Variants in CIITA observed in about 807,000 individuals in gnomAD.
CIITA encodes the protein class II major histocompatibility complex transactivator, also known as MHC class II transactivator.
In CIITA, 72 loss-of-function variants were observed where a neutral mutation model predicts 115.1. The ratio of observed to expected loss-of-function variants is 0.63; its 90% confidence interval spans 0.52 to 0.76. The LOEUF is 0.76. Among genes scored for constraint, CIITA ranks in the 30% least tolerant of loss-of-function variants. The pLI, the probability that CIITA is intolerant of heterozygous loss-of-function variation, is 0.00. For missense variants in CIITA, 1,617 were observed against 1,463.8 expected (o/e 1.10, Z -1.71); for synonymous variants, 763 against 635.6 (o/e 1.20, Z -3.02).
At chr16:10,908,456 C>T (rs144330450) in intron 11 of CIITA, 1 of 505,964 alleles carries the variant, frequency 2.0e-6, no homozygotes, top group African/African-American at 1.9e-5. Context: ...TCTTTCCACC[C>T]CCTGAGCACG....
chr16:10,911,341 C>T (rs1413774141), intron 13 of CIITA, among the ~76,000 whole-genome samples: 2 of 135,254 alleles, frequency 1.5e-5, no homozygotes, highest in East Asian at 2.2e-4. Context: ...CCTTCTTCCC[C>T]CTTTTCTTCT....
Position 10,933,217 on chromosome 16 carries a change from T to C in CIITA, c.*9362T>C, listed in dbSNP as rs1373748385. The stretch of plus-strand genomic sequence containing the variant: ...TGGACAGAGGACGTGGCTGGCTGGC[T>C]GGTTTCTGTAGTCAGAATGACAGTT... On this transcript the variant is annotated 3_prime_UTR_variant, in exon 20 of 20. Coordinates refer to ENST00000324288, the MANE Select transcript of CIITA (RefSeq NM_000246.4). 1.3e-5 allele frequency: 2 copies of C among 152,290 alleles called. No individual in the cohort carries two copies. Among genetic ancestry groups the C allele is most frequent in the African/African-American group, 4.8e-5 (2 of 41,468 alleles). The allele number at this position is 152,290 out of a possible 1,614,324, so 9.4% of individuals were successfully genotyped here. A position where few individuals can be genotyped will look rare whatever the true frequency, so the allele number is the denominator to read the frequency against.
rs2040707802 is a variant in CIITA, at chr16:10,929,950, C to CA, written c.*6096dup. ...AGCTGAGCCAGCGCTGGGTAGTGGG[C>CA]AGGGCTTGGCAACACCTTCCACCTT... On this transcript the variant is annotated 3_prime_UTR_variant, in exon 20 of 20. Coordinates refer to ENST00000324288, the MANE Select transcript of CIITA (RefSeq NM_000246.4). This position sits in a 1 kb window ranked among gnomAD's most constrained non-coding sequence, Gnocchi z 4.3. 6.6e-6 allele frequency: 1 copy of CA among 152,262 alleles called. No homozygotes were observed. The highest frequency in any genetic ancestry group is 2.4e-5 in the African/African-American group (1 of 41,440). The allele number at this position is 152,262 out of a possible 1,614,324, so 9.4% of individuals were successfully genotyped here. A position where few individuals can be genotyped will look rare whatever the true frequency, so the allele number is the denominator to read the frequency against.
At position 10,877,207 on chromosome 16, in the gene CIITA, T is replaced by C. The variant is rs1295947792; in HGVS notation, c.-124T>C. On this transcript the variant is annotated 5_prime_UTR_variant, in exon 1 of 20. It removes an upstream start codon present in the reference 5' UTR. Transcript: ENST00000324288. ...CTCCCAACTGGTGACTGGTTAGTGATGAGGCTAGTGATGAGGCTGTGTGCT... is the reference window on the plus strand; with the variant it reads ...CTCCCAACTGGTGACTGGTTAGTGACGAGGCTAGTGATGAGGCTGTGTGCT... 2.5e-6 allele frequency: 2 copies of C among 804,782 alleles called. No homozygotes were observed. The highest frequency in any genetic ancestry group is 2.9e-5 in the South Asian group (2 of 69,032). The allele number at this position is 804,782 out of a possible 1,614,324, so 49.9% of individuals were successfully genotyped here. A position where few individuals can be genotyped will look rare whatever the true frequency, so the allele number is the denominator to read the frequency against.
chr16:10,886,463 T>C (rs79980911), intron 1 of CIITA, among the ~76,000 whole-genome samples: 1,614 of 151,962 alleles, frequency 0.011, 34 homozygotes, highest in African/African-American at 0.037. Flanking sequence ...TCCTGGGGAG[T>C]TGTGGGAACA....
At chr16:10,919,247 G>A (rs1317026493) in intron 16 of CIITA, among the ~76,000 whole-genome samples, 2 of 131,430 alleles carry the variant, frequency 1.5e-5, no homozygotes, top group Admixed American at 8.4e-5. Context: ...AGGCTGGAGT[G>A]AAGTGGTGTG....
At chr16:10,922,362 G>C in intron 17 of CIITA, 45 bp from the exon 18 acceptor site, 1 of 1,611,934 alleles carries the variant, frequency 6.2e-7, no homozygotes, top group African/African-American at 1.3e-5. Context: ...GTCTGGAGCT[G>C]GGGAGTCCCA....
At chr16:10,870,611 G>A (rs553358447) in intron 1 of CIITA, among the ~76,000 whole-genome samples, 1 of 152,348 alleles carries the variant, frequency 6.6e-6, no homozygotes, top group East Asian at 1.9e-4. Context: ...CAGGCTGGAG[G>A]CTGGACAGCT....
At chr16:10,908,773 T>A (rs1438426738) in intron 11 of CIITA, 2 of 611,164 alleles carry the variant, frequency 3.3e-6, no homozygotes, top group African/African-American at 3.7e-5. Flanking sequence ...TGTAAGGTCC[T>A]ACATAATTGT....
chr16:10,907,182 T>C lies in CIITA; in HGVS notation c.1690T>C (p.Phe564Leu). Reference sequence around the variant, plus strand: ...GAGCCTGAGCAAGGCCGACGCCCTATTTGAGCTGTCCGGCTTCTCCATGGA... The same window carrying C: ...GAGCCTGAGCAAGGCCGACGCCCTACTTGAGCTGTCCGGCTTCTCCATGGA... ...VQSLSKADAL[F>L]ELSGFSMEQA... Residue 564 changes from phenylalanine to leucine, a missense_variant, in exon 11 of 20, where the codon TTT (phenylalanine) becomes CTT (leucine). Coordinates refer to ENST00000324288, the MANE Select transcript of CIITA (RefSeq NM_000246.4). This position sits in a 1 kb window ranked among gnomAD's most constrained non-coding sequence, Gnocchi z 5.0. 6.2e-7 allele frequency: 1 copy of C among 1,613,118 alleles called. No homozygotes were observed. The highest frequency in any genetic ancestry group is 8.5e-7 in the Non-Finnish European group (1 of 1,179,844).
intron 1 of CIITA, among the ~76,000 whole-genome samples, chr16:10,870,456 G>A (rs2143233655): frequency 6.6e-6 from 1 of 152,342 alleles, no homozygotes; most frequent in South Asian, 2.1e-4. Context: ...CAAAGTCCTT[G>A]CCCTGGAGGA....
rs139248444 is a variant in CIITA, at chr16:10,898,682, A to T, written c.308A>T (p.Gln103Leu). 1.2e-6 allele frequency: 2 copies of T among 1,610,868 alleles called. No individual in the cohort carries two copies. The highest frequency in any genetic ancestry group is 1.3e-5 in the African/African-American group (1 of 74,582). Residue 103 changes from glutamine to leucine, a missense_variant, in exon 4 of 20, where the codon CAG becomes CTG. By Grantham distance (113) the Gln-to-Leu change is moderately radical. Transcript: ENST00000324288. ...EAYANIAELD[Q>L]YVFQDSQLEG... The stretch of plus-strand genomic sequence containing the variant: ...CTTGTCTGGGCAGCGGAACTGGACC[A>T]GTATGTCTTCCAGGACTCCCAGCTG...
At position 10,923,345 on chromosome 16, in the gene CIITA, G is replaced by GT; in HGVS notation, c.*22+20_*22+21insT. ...GACAGGGTAACCAGGGTGGGCTTGG[G>GT]AGGGGAGAGCCGCAGTGGGTTGGGG... On this transcript the variant is annotated intron_variant, in intron 19 of 19. Coordinates refer to ENST00000324288, the MANE Select transcript of CIITA (RefSeq NM_000246.4). The surrounding 1 kb of genome is among the most constrained non-coding windows in gnomAD (Gnocchi z 5.2). 13 of 1,247,434 alleles carry GT rather than the reference G, an allele frequency of 1.0e-5. No individual in the cohort carries two copies. The highest frequency in any genetic ancestry group is 2.4e-5 in the East Asian group (1 of 41,074). The allele number at this position is 1,247,434 out of a possible 1,614,324, so 77.3% of individuals were successfully genotyped here.
Position 10,926,184 on chromosome 16 carries a change from A to T in CIITA, c.*2329A>T, listed in dbSNP as rs1434233279. On this transcript the variant is annotated 3_prime_UTR_variant, in exon 20 of 20. Transcript: ENST00000324288. ...CAGCAAGTGAGAGCTGGGTGTCAAGAGGGTCTGAGGAATCCAGACCCGGCT... is the reference window on the plus strand; with the variant it reads ...CAGCAAGTGAGAGCTGGGTGTCAAGTGGGTCTGAGGAATCCAGACCCGGCT... 6.6e-6 allele frequency: 1 copy of T among 152,260 alleles called. No homozygotes were observed. Among genetic ancestry groups the T allele is most frequent in the African/African-American group, 2.4e-5 (1 of 41,464 alleles). 9.4% of individuals were successfully genotyped at this position (152,260 alleles called of 1,614,324 possible).
At position 10,910,083 on chromosome 16, in the gene CIITA, TC is replaced by T. The variant is rs1275113710; in HGVS notation, c.2817-100del. 11 of 904,352 alleles carry T rather than the reference TC, an allele frequency of 1.2e-5. No individual in the cohort carries two copies. The East Asian group carries it at 2.8e-4, about 23-fold the overall frequency. The allele number at this position is 904,352 out of a possible 1,614,324, so 56.0% of individuals were successfully genotyped here. On this transcript the variant is annotated intron_variant, in intron 12 of 19. Transcript: ENST00000324288. ...ACAACAGTTGCCCCAAGGAAAGCAATCCCCCTGGGGAATTTGGGGCACTGGG... is the reference window on the plus strand; with the variant it reads ...ACAACAGTTGCCCCAAGGAAAGCAATCCCCTGGGGAATTTGGGGCACTGGG...
chr16:10,936,378 A>C lies in CIITA; in HGVS notation c.*12523A>C, dbSNP rs1379621985. On this transcript the variant is annotated 3_prime_UTR_variant, in exon 20 of 20. Coordinates refer to ENST00000324288, the MANE Select transcript of CIITA (RefSeq NM_000246.4). ...CCTTGTTCTAAGGAAATAAATACTG[A>C]ATTATTTAGGAGTAAAGGTGCATAA... The C allele has an allele frequency of 6.6e-6, 1 of 152,190 alleles. No homozygotes were observed. The highest frequency in any genetic ancestry group is 1.5e-5 in the Non-Finnish European group (1 of 68,038). The allele number at this position is 152,190 out of a possible 1,614,324, so 9.4% of individuals were successfully genotyped here. A position where few individuals can be genotyped will look rare whatever the true frequency, so the allele number is the denominator to read the frequency against.
intron 11 of CIITA, chr16:10,908,758 C>A: frequency 5.0e-6 from 3 of 596,848 alleles, no homozygotes; most frequent in African/African-American, 3.7e-5. Context: ...ATACTTTACC[C>A]AAGCTGTAAG....
At chr16:10,909,295 G>T in intron 12 of CIITA, 108 bp downstream of exon 12, 1 of 1,162,198 alleles carries the variant, frequency 8.6e-7, no homozygotes, top group Non-Finnish European at 1.3e-6. Flanking sequence ...TGTCCTCTGG[G>T]ACACCCCATG....
At chr16:10,890,726 G>A (rs531985772) in intron 1 of CIITA, among the ~76,000 whole-genome samples, 2 of 152,294 alleles carry the variant, frequency 1.3e-5, no homozygotes, top group South Asian at 4.1e-4. Flanking sequence ...AACGTAAGAA[G>A]CAAACTAATA....
Sources: gnomAD v4.1 joint callset for allele counts (sites outside exome capture counted in the v4.1 genomes callset) on GRCh38, gnomAD v4.1.1 for gene constraint, Gnocchi (gnomAD v3.1) non-coding constraint, MANE v1.5 for transcripts, NCBI Gene and HGNC (gene_info 2026-07-23, HGNC 2026-07-21) for gene names.